The following TRPC4 variants were observed in gnomAD, a reference collection of about 807,000 sequenced individuals.
TRPC4 encodes short transient receptor potential channel 4.
Under a neutral mutation model 99.4 loss-of-function variants are expected in TRPC4, and 49 were observed. The ratio of observed to expected loss-of-function variants is 0.49; its 90% CI spans 0.39 to 0.63. The LOEUF (loss-of-function observed/expected upper bound fraction) is 0.63, where lower values mean the gene tolerates loss of function less well. Ranked by LOEUF, TRPC4 falls within the 20% of genes least tolerant of loss-of-function variation. TRPC4 has a pLI of 0.00. For synonymous variants in TRPC4, 454 were observed against 425.9 expected (o/e 1.07, Z -0.81); for missense variants, 898 against 1,152.9 (o/e 0.78, Z 3.20).
At chr13:37,798,516 T>C (rs1957312887) in intron 1 of TRPC4, among the ~76,000 whole-genome samples, 1 of 152,260 alleles carries the variant, frequency 6.6e-6, no homozygotes, top group South Asian at 2.1e-4. Flanking sequence ...CCAGTTTCCA[T>C]TCAAAATTAG....
intron 6 of TRPC4, among the ~76,000 whole-genome samples, chr13:37,656,881 G>A (rs7331553): frequency 0.4 from 60,850 of 152,062 alleles, 12,796 homozygotes; most frequent in East Asian, 0.73. Context: ...CGTCAACTCC[G>A]GCTCTTCCCA....
intron 1 of TRPC4, among the ~76,000 whole-genome samples, chr13:37,848,053 C>G (rs536819288): frequency 6.6e-6 from 1 of 152,210 alleles, no homozygotes; most frequent in African/African-American, 2.4e-5. Context: ...TATGATTTTT[C>G]AACTTTACAT....
At chr13:37,843,681 G>GACACACAC (rs5802907) in intron 1 of TRPC4, among the ~76,000 whole-genome samples, 3 of 134,134 alleles carry the variant, frequency 2.2e-5, no homozygotes, top group East Asian at 2.2e-4. Context: ...GATGTTTGGT[G>GACACACAC]ACACACACAC....
intron 2 of TRPC4, among the ~76,000 whole-genome samples, chr13:37,748,551 A>G (rs756248783): frequency 2.0e-5 from 3 of 152,118 alleles, no homozygotes; most frequent in Non-Finnish European, 4.4e-5. Context: ...GTGAGAATAT[A>G]CCAAGAATAA....
At chr13:37,688,404 A>G (rs1953564885) in intron 4 of TRPC4, among the ~76,000 whole-genome samples, 1 of 152,202 alleles carries the variant, frequency 6.6e-6, no homozygotes, top group South Asian at 2.1e-4. Flanking sequence ...TACAGTTCTT[A>G]TTGCTGAAAC....
chr13:37,648,551 A>G (rs542646044), intron 8 of TRPC4, among the ~76,000 whole-genome samples: 1 of 152,286 alleles, frequency 6.6e-6, no homozygotes, highest in Admixed American at 6.5e-5. Flanking sequence ...AATGGTTAAA[A>G]AAAAAAAAGG....
At chr13:37,686,536 A>G (rs1953488085) in intron 4 of TRPC4, among the ~76,000 whole-genome samples, 2 of 152,094 alleles carry the variant, frequency 1.3e-5, no homozygotes, top group African/African-American at 4.8e-5. Flanking sequence ...CCAACTTTTC[A>G]TTCTACATCT....
chr13:37,776,919 T>C (rs956561886), intron 2 of TRPC4, among the ~76,000 whole-genome samples: 4 of 151,948 alleles, frequency 2.6e-5, no homozygotes, highest in Non-Finnish European at 5.9e-5. Context: ...CGACTAAGAA[T>C]CTTCTATATT....
chr13:37,700,537 T>C (rs1349255247), intron 3 of TRPC4, among the ~76,000 whole-genome samples: 2 of 152,232 alleles, frequency 1.3e-5, no homozygotes, highest in Non-Finnish European at 1.5e-5. Context: ...AGAATGGGAA[T>C]GAATATTAGT....
intron 6 of TRPC4, among the ~76,000 whole-genome samples, chr13:37,658,339 G>A (rs1280662641): frequency 6.6e-6 from 1 of 152,094 alleles, no homozygotes; most frequent in Non-Finnish European, 1.5e-5. Flanking sequence ...CTCTTGCTTT[G>A]AATATATTGC....
chr13:37,837,868 T>C (rs990060115), intron 1 of TRPC4, among the ~76,000 whole-genome samples: 6 of 152,120 alleles, frequency 3.9e-5, no homozygotes, highest in Non-Finnish European at 8.8e-5. Context: ...AATTCCCACA[T>C]GTTGTGGGAG....
intron 1 of TRPC4, among the ~76,000 whole-genome samples, chr13:37,820,960 A>G (rs980369476): frequency 2.6e-5 from 4 of 152,126 alleles, no homozygotes; most frequent in Non-Finnish European, 5.9e-5. Flanking sequence ...AGAAAGAAAT[A>G]AAATGAATCC....
chr13:37,818,973 C>T (rs939358524), intron 1 of TRPC4, among the ~76,000 whole-genome samples: 4 of 150,762 alleles, frequency 2.7e-5, no homozygotes, highest in Non-Finnish European at 5.9e-5. Flanking sequence ...ATGTGGCCAA[C>T]AAGCATATGA....
intron 5 of TRPC4, among the ~76,000 whole-genome samples, chr13:37,665,903 C>T (rs994334370): frequency 1.3e-5 from 2 of 151,636 alleles, no homozygotes; most frequent in African/African-American, 4.8e-5. Context: ...AGATTCTGCC[C>T]CAGTGTGATT....
In TRPC4 at chr13:37,860,812, C is replaced by T. The variant is rs543733463; in HGVS notation, c.-28+8783G>A. ...GATCCAATTAGACAATTGAAAATTC[C>T]CATTTGTAGGACTGATGGAGTGCTA... On this transcript the variant is annotated intron_variant, in intron 1 of 10. Coordinates refer to ENST00000379705, the MANE Select transcript of TRPC4 (RefSeq NM_016179.4). Among the ~76,000 whole-genome samples the T allele has an allele frequency of 1.6e-4, 24 of 151,430 alleles. No individual in the cohort carries two copies. In the East Asian group the frequency reaches 4.7e-3, roughly 29 times the overall value.
chr13:37,745,442 A>G (rs907226739), intron 3 of TRPC4, among the ~76,000 whole-genome samples: 43 of 4,610 alleles, frequency 9.3e-3, no homozygotes, highest in South Asian at 0.067. Context: ...ATGCGTATAT[A>G]TATATATATA....
intron 4 of TRPC4, among the ~76,000 whole-genome samples, chr13:37,686,226 A>T (rs1953469426): frequency 1.3e-5 from 2 of 152,110 alleles, no homozygotes; most frequent in South Asian, 4.1e-4. Context: ...GACTTTAGAC[A>T]AAAGATGAAA....
At chr13:37,716,164 T>C (rs1389117132) in intron 3 of TRPC4, among the ~76,000 whole-genome samples, 1 of 152,174 alleles carries the variant, frequency 6.6e-6, no homozygotes, top group Non-Finnish European at 1.5e-5. Flanking sequence ...TTAAAACATA[T>C]CTTAATTTGT....
At chr13:37,836,432 C>A (rs112260609) in intron 1 of TRPC4, among the ~76,000 whole-genome samples, 3,692 of 152,072 alleles carry the variant, frequency 0.024, 70 homozygotes, top group Non-Finnish European at 0.038. Flanking sequence ...ATGGCTTTGC[C>A]CAAAATGCTG....
Sources: allele counts gnomAD v4.1 joint callset (sites outside exome capture counted in the v4.1 genomes callset), GRCh38; gene constraint gnomAD v4.1.1; transcripts MANE v1.5; gene names NCBI Gene and HGNC (gene_info 2026-07-23, HGNC 2026-07-21).